The following ITSN1 variants were observed in gnomAD, a reference collection of about 807,000 sequenced individuals.
The protein encoded by ITSN1 is intersectin 1.
ITSN1 carries 58 observed loss-of-function variants against 239.8 expected under a neutral mutation model. The observed-to-expected ratio is 0.24, with a 90% CI of 0.20 to 0.30. The LOEUF (loss-of-function observed/expected upper bound fraction) is 0.30, where lower values mean the gene tolerates loss of function less well. Among genes scored for constraint, ITSN1 ranks in the 10% least tolerant of loss-of-function variants. The pLI is 1.00. For synonymous variants in ITSN1, 780 were observed against 770.8 expected, an observed-to-expected ratio of 1.01 and a Z score of -0.20; for missense variants, 1,558 against 2,103.3, an observed-to-expected ratio of 0.74 and a Z score of 5.07.
intron 16 of ITSN1, 50 bp downstream of exon 16, chr21:33,782,183 A>T: frequency 6.4e-7 from 1 of 1,564,724 alleles, no homozygotes; most frequent in Non-Finnish European, 8.8e-7. Context: ...TAATTTTTTT[A>T]ACTGTCCAAA....
chr21:33,859,719 C>A (rs1189868295), intron 31 of ITSN1, among the ~76,000 whole-genome samples: 1 of 152,062 alleles, frequency 6.6e-6, no homozygotes, highest in Non-Finnish European at 1.5e-5. Context: ...CTTTCCTGAG[C>A]GTGTGTTTGG....
intron 1 of ITSN1, among the ~76,000 whole-genome samples, chr21:33,714,296 A>G (rs2092505634): frequency 6.6e-6 from 1 of 152,218 alleles, no homozygotes; most frequent in Non-Finnish European, 1.5e-5. Flanking sequence ...TGGGGAGGGA[A>G]AGAGAGAGAA....
chr21:33,790,295 T>C (rs1052253421), intron 16 of ITSN1, among the ~76,000 whole-genome samples: 1 of 149,674 alleles, frequency 6.7e-6, no homozygotes, highest in Non-Finnish European at 1.5e-5. Context: ...ATATTTAATA[T>C]ATGTGTGTAG....
Position 33,899,737 on chromosome 21 carries a change from G to T in ITSN1, c.*11437G>T, listed in dbSNP as rs972929682. ...CATCAGTACAAATTGCTCTTCCTGT[G>T]TATCTTGAACCTAAAAAGAACAATC... On this transcript the variant is annotated 3_prime_UTR_variant, in exon 40 of 40. Coordinates refer to ENST00000381318, the MANE Select transcript of ITSN1 (RefSeq NM_003024.3). 6.6e-6 allele frequency: 1 copy of T among 151,242 alleles called. No homozygotes were observed. Among genetic ancestry groups the T allele is most frequent in the Non-Finnish European group, 1.5e-5 (1 of 67,866 alleles). 9.4% of individuals were successfully genotyped at this position (151,242 alleles called of 1,614,324 possible). A position where few individuals can be genotyped will look rare whatever the true frequency, so the allele number is the denominator to read the frequency against.
intron 29 of ITSN1, among the ~76,000 whole-genome samples, chr21:33,855,565 G>A (rs1979170307): frequency 6.6e-6 from 1 of 152,256 alleles, no homozygotes; most frequent in Admixed American, 6.5e-5. Context: ...CTGCACATGG[G>A]ATGCTCCCAA....
chr21:33,751,748 G>C (rs2067568784), intron 6 of ITSN1, 62 bp from the exon 7 acceptor site: 1 of 1,299,628 alleles, frequency 7.7e-7, no homozygotes, highest in African/African-American at 1.5e-5. Flanking sequence ...TTTAATTTTT[G>C]TAAATTGGGG....
chr21:33,701,925 G>A (rs557372868), intron 1 of ITSN1, among the ~76,000 whole-genome samples: 4 of 151,426 alleles, frequency 2.6e-5, no homozygotes, highest in African/African-American at 9.7e-5. Context: ...AAAATTAGCT[G>A]GGCGTGGTGG....
intron 1 of ITSN1, among the ~76,000 whole-genome samples, chr21:33,716,278 G>T (rs999911581): frequency 6.6e-6 from 1 of 152,180 alleles, no homozygotes; most frequent in African/African-American, 2.4e-5. Context: ...AACTACTTCA[G>T]TCCCGTCTGC....
At chr21:33,672,849 C>A (rs796951269) in intron 1 of ITSN1, among the ~76,000 whole-genome samples, 32 of 152,172 alleles carry the variant, frequency 2.1e-4, no homozygotes, top group African/African-American at 7.7e-4. Context: ...GTAGCTGGGA[C>A]TACAGGTGCG....
chr21:33,782,566 G>A (rs916431065), intron 16 of ITSN1, among the ~76,000 whole-genome samples: 2 of 152,104 alleles, frequency 1.3e-5, no homozygotes, highest in Admixed American at 1.3e-4. Flanking sequence ...TTTTAGTGGA[G>A]TAATTGCTTT....
chr21:33,665,970 C>G (rs2089905912), intron 1 of ITSN1, among the ~76,000 whole-genome samples: 1 of 151,470 alleles, frequency 6.6e-6, no homozygotes, highest in Admixed American at 6.6e-5. Flanking sequence ...GCTCTGTTGC[C>G]CAGGCTGAAG....
chr21:33,780,750 A>G (rs1388145090), intron 14 of ITSN1, among the ~76,000 whole-genome samples: 1 of 152,240 alleles, frequency 6.6e-6, no homozygotes, highest in Admixed American at 6.5e-5. Context: ...GAAGGCTGCC[A>G]TTTTACTGAA....
In ITSN1 at chr21:33,883,678, C is replaced by T. The variant is rs147216792; in HGVS notation, c.4676+7C>T. 77 of 1,612,178 alleles carry T rather than the reference C, an allele frequency of 4.8e-5. No homozygotes were observed. In the Middle Eastern group the frequency reaches 8.3e-4, roughly 17 times the overall value. ...CAGAAAGCATAAATGAAAGGTGAGA[C>T]CTGCCGCCTCCCCAGCATGGGCCCC... On this transcript the variant is annotated splice_region_variant and intron_variant, in intron 36 of 39. Transcript: ENST00000381318.
At chr21:33,874,385 C>A (rs1036423684) in intron 33 of ITSN1, among the ~76,000 whole-genome samples, 1 of 152,060 alleles carries the variant, frequency 6.6e-6, no homozygotes, top group Non-Finnish European at 1.5e-5. Context: ...CTGCAGCCAC[C>A]GCTCCTCTTA....
rs964326981 is a variant in ITSN1, at chr21:33,865,758, C to T, written c.4074+424C>T. On this transcript the variant is annotated intron_variant, in intron 32 of 39. Coordinates refer to ENST00000381318, the MANE Select transcript of ITSN1 (RefSeq NM_003024.3). This position sits in a 1 kb window ranked among gnomAD's most constrained non-coding sequence, Gnocchi z 4.4. ...AGGACTCCCAGTGGCCCCTTCATTCCTTTCGCAGTTGGTTCTGCTTGATGT... is the reference window on the plus strand; with the variant it reads ...AGGACTCCCAGTGGCCCCTTCATTCTTTTCGCAGTTGGTTCTGCTTGATGT... 7.9e-5 allele frequency among the ~76,000 whole-genome samples: 12 copies of T among 152,182 alleles called. No individual in the cohort carries two copies. The highest frequency in any genetic ancestry group is 1.8e-4 in the Non-Finnish European group (12 of 68,040).
At chr21:33,696,424 G>C (rs1361834537) in intron 1 of ITSN1, among the ~76,000 whole-genome samples, 3 of 152,154 alleles carry the variant, frequency 2.0e-5, no homozygotes, top group Non-Finnish European at 4.4e-5. Flanking sequence ...TATTGTCTTT[G>C]CTGTCCATTG....
Position 33,750,159 on chromosome 21 carries a change from C to G in ITSN1, c.363C>G (p.Ala121=). 1 of 1,614,020 alleles carries G rather than the reference C, an allele frequency of 6.2e-7. No homozygotes were observed. Among genetic ancestry groups the G allele is most frequent in the South Asian group, 1.1e-5 (1 of 91,064 alleles). Residue 121 remains alanine (A), a synonymous_variant, in exon 6 of 40, where the codon GCC becomes GCG. Transcript: ENST00000381318. ...SAPAFGMGGI[A]SMPPLTAVAP... is the part of the protein sequence containing the mutation. The stretch of plus-strand genomic sequence containing the variant: ...TCTTCATAGGTATGGGAGGTATCGC[C>G]AGCATGCCACCGCTTACAGCTGTTG...
At chr21:33,863,922 C>T (rs1173511148) in intron 31 of ITSN1, among the ~76,000 whole-genome samples, 1 of 152,224 alleles carries the variant, frequency 6.6e-6, no homozygotes, top group Non-Finnish European at 1.5e-5. Flanking sequence ...ACCCCAGAGG[C>T]AGCCAGTGCT....
At chr21:33,885,222 T>TA in intron 37 of ITSN1, 99 bp downstream of exon 37, 1 of 1,123,240 alleles carries the variant, frequency 8.9e-7, no homozygotes, top group Non-Finnish European at 1.3e-6. Flanking sequence ...CCCCTGGACC[T>TA]AGAGGAGGGG....
Sources: gnomAD v4.1 joint callset for allele counts (sites outside exome capture counted in the v4.1 genomes callset) on GRCh38, gnomAD v4.1.1 for gene constraint, Gnocchi (gnomAD v3.1) non-coding constraint, MANE v1.5 for transcripts, NCBI Gene and HGNC (gene_info 2026-07-23, HGNC 2026-07-21) for gene names.